The following COL5A2 variants were observed in gnomAD, a reference collection of about 807,000 sequenced individuals.
COL5A2 encodes the protein collagen alpha-2(V) chain.
A neutral mutation model predicts 208.2 loss-of-function variants in COL5A2; 23 were observed. The observed-to-expected ratio is 0.11, with a 90% confidence interval of 0.08 to 0.16. The LOEUF is 0.16. Among genes scored for constraint, COL5A2 ranks in the 10% least tolerant of loss-of-function variants. The pLI is 1.00. For synonymous variants in COL5A2, 625 were observed against 628.5 expected (o/e 0.99, Z 0.08); for missense variants, 1,590 against 1,956.4 (o/e 0.81, Z 3.53).
intron 1 of COL5A2, among the ~76,000 whole-genome samples, chr2:189,187,530 T>C (rs1470745556): frequency 6.6e-6 from 1 of 152,194 alleles, no homozygotes; most frequent in East Asian, 1.9e-4. Context: ...TCATTGGTAA[T>C]TGTTGTAAGT....
At chr2:189,328,243 A>G in the COL5A2 span, among the ~76,000 whole-genome samples, 1 of 152,180 alleles carries the variant, frequency 6.6e-6, no homozygotes, top group Non-Finnish European at 1.5e-5. Flanking sequence ...AACTAATAAT[A>G]CTTCCATGAG....
intron 1 of COL5A2, among the ~76,000 whole-genome samples, chr2:189,133,494 A>C (rs548483949): frequency 1.2e-4 from 19 of 152,276 alleles, no homozygotes; most frequent in African/African-American, 4.3e-4. Flanking sequence ...CTTTAATCAG[A>C]CATCTTGAAC....
chr2:189,316,477 A>G, the COL5A2 span, among the ~76,000 whole-genome samples: 1 of 152,108 alleles, frequency 6.6e-6, no homozygotes, highest in African/African-American at 2.4e-5. Context: ...CCTGTGTAAC[A>G]AATCTGCATG....
the COL5A2 span, among the ~76,000 whole-genome samples, chr2:189,380,036 T>TTATA: frequency 2.4e-3 from 360 of 150,006 alleles, no homozygotes; most frequent in African/African-American, 8.0e-3. Context: ...GTGAAATATT[T>TTATA]TATATATATA....
At chr2:189,333,690 T>C in the COL5A2 span, among the ~76,000 whole-genome samples, 1 of 151,964 alleles carries the variant, frequency 6.6e-6, no homozygotes, top group Non-Finnish European at 1.5e-5. Context: ...TATAAAAAGA[T>C]AAAATCACAG....
intron 25 of COL5A2, 85 bp downstream of exon 25, chr2:189,064,472 A>G: frequency 1.1e-6 from 1 of 949,592 alleles, no homozygotes; most frequent in Non-Finnish European, 1.7e-6. Flanking sequence ...AACAAACTAA[A>G]TTTAAAAACA....
Position 189,051,370 on chromosome 2 carries a change from G to C in COL5A2, c.2881C>G (p.Pro961Ala). The C allele has an allele frequency of 6.2e-7, 1 of 1,614,018 alleles. No homozygotes were observed. The highest frequency in any genetic ancestry group is 8.5e-7 in the Non-Finnish European group (1 of 1,179,968). ...CCTTTGTCTCCTGGGCCACCAGGGG[G>C]GCCAGCTGGTCCTCGATCTCCCACA... ...GRVGDRGPAG[P>A]PGGPGDKGDP... The change falls in exon 42 of 54, where the codon CCC becomes GCC. Residue 961 changes from proline (P) to alanine (A), a missense_variant. Transcript: ENST00000374866.
rs1175370532 is a variant in COL5A2 at position 189,094,588 on chromosome 2, GACACACACACACACACAC to G, written c.457-2186_457-2169del. Among the ~76,000 whole-genome samples the G allele has an allele frequency of 7.1e-3, 83 of 11,688 alleles. 6 individuals carry two copies. Among genetic ancestry groups the G allele is most frequent in the African/African-American group, 0.012 (67 of 5,636 alleles). 7.7% of individuals were successfully genotyped at this position (11,688 alleles called of 152,430 possible). A position where few individuals can be genotyped will look rare whatever the true frequency, so the allele number is the denominator to read the frequency against. ...TTTCTCTCTCTCTCTCTTTCTCTCTGACACACACACACACACACACACACACACACACACACACACACA... is the reference window on the plus strand; with the variant it reads ...TTTCTCTCTCTCTCTCTTTCTCTCTGACACACACACACACACACACACACA... On this transcript the variant is annotated intron_variant, in intron 6 of 53. Transcript: ENST00000374866.
intron 1 of COL5A2, among the ~76,000 whole-genome samples, chr2:189,163,380 C>T (rs1272898759): frequency 6.6e-6 from 1 of 152,158 alleles, no homozygotes; most frequent in Non-Finnish European, 1.5e-5. Context: ...CAGCATAACA[C>T]AACACATGAT....
intron 38 of COL5A2, among the ~76,000 whole-genome samples, 196 bp from the exon 39 acceptor site, chr2:189,053,214 C>T (rs577128709): frequency 2.2e-4 from 33 of 152,194 alleles, no homozygotes; most frequent in African/African-American, 7.7e-4. Context: ...TATCCCACTG[C>T]ATTTTTATTT....
intron 1 of COL5A2, among the ~76,000 whole-genome samples, chr2:189,215,920 C>G (rs577638948): frequency 6.6e-6 from 1 of 152,272 alleles, no homozygotes; most frequent in Non-Finnish European, 1.5e-5. Context: ...TTCCCTGTAA[C>G]TAGCACAGCA....
At chr2:189,355,475 G>A in the COL5A2 span, among the ~76,000 whole-genome samples, 1 of 151,754 alleles carries the variant, frequency 6.6e-6, no homozygotes, top group Non-Finnish European at 1.5e-5. Context: ...TGTATTGGGT[G>A]CACATATACT....
chr2:189,284,608 T>C, the COL5A2 span, among the ~76,000 whole-genome samples: 1 of 151,892 alleles, frequency 6.6e-6, no homozygotes, highest in Non-Finnish European at 1.5e-5. Context: ...CTACAATACA[T>C]GGGGGGATTA....
At chr2:189,352,505 T>C in the COL5A2 span, among the ~76,000 whole-genome samples, 1 of 152,218 alleles carries the variant, frequency 6.6e-6, no homozygotes, top group East Asian at 1.9e-4. Flanking sequence ...TGGTGTGAGA[T>C]GGTATCTCAT....
At chr2:189,104,131 A>G (rs1016481878) in intron 3 of COL5A2, 133 bp downstream of exon 3, 1 of 730,356 alleles carries the variant, frequency 1.4e-6, no homozygotes. Context: ...GTGCTTATAT[A>G]CTTGTCACAA....
chr2:189,200,643 A>G (rs550762503), intron 1 of COL5A2, among the ~76,000 whole-genome samples: 2 of 146,704 alleles, frequency 1.4e-5, no homozygotes, highest in Non-Finnish European at 3.0e-5. Context: ...GAAAATGTCA[A>G]GCAGAATAAA....
upstream of COL5A2, among the ~76,000 whole-genome samples, chr2:189,228,545 C>A (rs2105885642): frequency 6.6e-6 from 1 of 151,714 alleles, no homozygotes; most frequent in South Asian, 2.1e-4. Flanking sequence ...ATAGATTATC[C>A]AAATTGGATA....
At chr2:189,034,302 A>T in intron 53 of COL5A2, 86 bp from the exon 54 acceptor site, 1 of 1,406,060 alleles carries the variant, frequency 7.1e-7, no homozygotes, top group Non-Finnish European at 1.0e-6. Flanking sequence ...CACTTTTATA[A>T]TGTAAAGGCA....
the COL5A2 span, among the ~76,000 whole-genome samples, chr2:189,322,180 G>A: frequency 3.9e-5 from 6 of 152,314 alleles, no homozygotes; most frequent in African/African-American, 1.4e-4. Context: ...TTAAAGCAGT[G>A]TGTAGAGGGA....
Sources: gnomAD v4.1 joint callset for allele counts (sites outside exome capture counted in the v4.1 genomes callset) on GRCh38, gnomAD v4.1.1 for gene constraint, MANE v1.5 for transcripts, NCBI Gene and HGNC (gene_info 2026-07-23, HGNC 2026-07-21) for gene names.